Variants in EPB41 observed in about 807,000 individuals in gnomAD.
The protein encoded by EPB41 is erythrocyte membrane protein band 4.1.
In EPB41, 65 loss-of-function variants were observed where a neutral mutation model predicts 108.0. The observed-to-expected ratio is 0.60, with a 90% CI of 0.49 to 0.74. The LOEUF (loss-of-function observed/expected upper bound fraction) is 0.74. EPB41 is among the 30% of genes least tolerant of loss of function. EPB41 has a pLI of 0.00. For synonymous variants in EPB41, 336 were observed against 358.9 expected, an observed-to-expected ratio of 0.94 and a Z score of 0.72; for missense variants, 875 against 1,037.0, an observed-to-expected ratio of 0.84 and a Z score of 2.15.
At position 29,118,175 on chromosome 1, in the gene EPB41, T is replaced by G. The variant is rs1671299290; in HGVS notation, c.*1363T>G. 1 of 152,712 alleles carries G rather than the reference T, an allele frequency of 6.5e-6. No homozygotes were observed. Among genetic ancestry groups the G allele is most frequent in the East Asian group, 1.9e-4 (1 of 5,202 alleles). 9.5% of individuals were successfully genotyped at this position (152,712 alleles called of 1,614,324 possible). A position where few individuals can be genotyped will look rare whatever the true frequency, so the allele number is the denominator to read the frequency against. On this transcript the variant is annotated 3_prime_UTR_variant, in exon 21 of 21. Coordinates refer to ENST00000343067, the MANE Select transcript of EPB41 (RefSeq NM_001376013.1). ...CAAGCTGGAGTGCAGTGGCGCGATC[T>G]CGGCTCACTGCAACCTCCGCCTCCT... is the stretch of plus-strand genomic sequence containing the variant.
chr1:29,027,033 A>G (rs947186739), intron 7 of EPB41, among the ~76,000 whole-genome samples: 1 of 151,176 alleles, frequency 6.6e-6, no homozygotes, highest in Non-Finnish European at 1.5e-5. Flanking sequence ...CAGAGGTTGC[A>G]GTTAGCCGAG....
In EPB41 at chr1:28,929,984, T is replaced by A. The variant is rs143858824; in HGVS notation, c.-8+15216T>A. Among the ~76,000 whole-genome samples the A allele has an allele frequency of 1.2e-4, 18 of 151,656 alleles. No individual in the cohort carries two copies. The East Asian group carries it at 2.3e-3, about 20-fold the overall frequency. ...GCAGCCATCATCTCAATCTAATTTT[T>A]GAACATTTTCATCCCCCTGAAAAGA... On this transcript the variant is annotated intron_variant, in intron 1 of 20. Transcript: ENST00000343067.
chr1:29,100,160 G>A (rs1247255714), intron 17 of EPB41, among the ~76,000 whole-genome samples: 2 of 151,712 alleles, frequency 1.3e-5, no homozygotes, highest in African/African-American at 4.8e-5. Context: ...GAAACAGTGT[G>A]GCTTGGTAAT....
intron 1 of EPB41, among the ~76,000 whole-genome samples, chr1:28,931,911 G>A (rs1388540033): frequency 6.6e-6 from 1 of 152,170 alleles, no homozygotes; most frequent in Non-Finnish European, 1.5e-5. Flanking sequence ...CCTTGGCAGG[G>A]GCCAGTACAA....
At chr1:29,087,014 G>T (rs940457489) in intron 16 of EPB41, among the ~76,000 whole-genome samples, 1 of 120,214 alleles carries the variant, frequency 8.3e-6, no homozygotes, top group South Asian at 2.8e-4. Context: ...GCACAATCTT[G>T]GCTCACTGCA....
upstream of EPB41, chr1:28,911,011 C>A (rs944988065): frequency 3.0e-6 from 3 of 985,368 alleles, no homozygotes; most frequent in Middle Eastern, 5.2e-4. Flanking sequence ...GTGCTTGGGA[C>A]CTTTACCCTT....
intron 12 of EPB41, among the ~76,000 whole-genome samples, chr1:29,056,078 CA>C (rs1265629705): frequency 6.7e-6 from 1 of 150,352 alleles, no homozygotes; most frequent in Admixed American, 6.6e-5. Flanking sequence ...ACTAAAAATA[CA>C]AAAAATTAGC....
At chr1:28,951,606 C>A (rs540182875) in intron 1 of EPB41, among the ~76,000 whole-genome samples, 153 of 152,324 alleles carry the variant, frequency 1.0e-3, no homozygotes, top group African/African-American at 3.5e-3. Context: ...GTAATCCCCC[C>A]ACTTTGGGAG....
chr1:28,998,499 C>G (rs1048599345), intron 4 of EPB41, among the ~76,000 whole-genome samples: 4 of 152,082 alleles, frequency 2.6e-5, no homozygotes, highest in African/African-American at 9.7e-5. Context: ...AGGGCAGCAG[C>G]CTTCAACATC....
intron 16 of EPB41, among the ~76,000 whole-genome samples, chr1:29,078,440 G>A (rs760682844): frequency 2.6e-4 from 40 of 152,126 alleles, no homozygotes; most frequent in Non-Finnish European, 4.3e-4. Context: ...CTATTAAGCA[G>A]TCAGGGTACA....
chr1:28,899,271 T>C (rs961478189), intron 1 of EPB41, among the ~76,000 whole-genome samples: 5 of 152,220 alleles, frequency 3.3e-5, no homozygotes, highest in Admixed American at 6.5e-5. Context: ...GAGTCCTCAG[T>C]GGCAGGAAGC....
chr1:29,080,411 CTT>C (rs62880161), intron 16 of EPB41, among the ~76,000 whole-genome samples: 53 of 139,584 alleles, frequency 3.8e-4, no homozygotes, highest in Non-Finnish European at 3.7e-4. Flanking sequence ...CCCTTTTTTT[CTT>C]TTTTTTTTTT....
chr1:29,054,701 C>A (rs1302011610), intron 12 of EPB41, among the ~76,000 whole-genome samples: 1 of 152,022 alleles, frequency 6.6e-6, no homozygotes, highest in African/African-American at 2.4e-5. Flanking sequence ...AATAAAAAAA[C>A]TAGCTGGGTA....
intron 16 of EPB41, among the ~76,000 whole-genome samples, chr1:29,079,487 G>A (rs1170086854): frequency 2.0e-5 from 3 of 150,172 alleles, no homozygotes; most frequent in Admixed American, 6.7e-5. Flanking sequence ...ACACGATCTC[G>A]GCAACCTCCA....
upstream of EPB41, among the ~76,000 whole-genome samples, chr1:28,912,587 T>C (rs2148014226): frequency 6.6e-6 from 1 of 152,244 alleles, no homozygotes; most frequent in Admixed American, 6.5e-5. Context: ...TCTAAGTCCT[T>C]TACATATTTT....
At chr1:29,076,337 A>T (rs901235926) in intron 16 of EPB41, among the ~76,000 whole-genome samples, 1 of 152,202 alleles carries the variant, frequency 6.6e-6, no homozygotes, top group African/African-American at 2.4e-5. Context: ...TCTCCAAAAA[A>T]TTTTGAAATT....
Position 28,887,261 on chromosome 1 carries a change from G to A in EPB41, c.-8+51G>A. ...ACCCTCGGTCCCCGGGAGGGACGGG[G>A]TTAGGGACAGAAGAACCTACCCCCA... On this transcript the variant is annotated intron_variant, in intron 1 of 16. Transcript: ENST00000347529. The surrounding 1 kb of genome is among the most constrained non-coding windows in gnomAD (Gnocchi z 4.9). The A allele has an allele frequency of 7.9e-7, 1 of 1,269,354 alleles. No homozygotes were observed. Among genetic ancestry groups the A allele is most frequent in the Non-Finnish European group, 1.0e-6 (1 of 980,128 alleles). The allele number at this position is 1,269,354 out of a possible 1,614,324, so 78.6% of individuals were successfully genotyped here.
At chr1:28,888,765 T>C (rs554576462) in intron 1 of EPB41, among the ~76,000 whole-genome samples, 78 of 152,254 alleles carry the variant, frequency 5.1e-4, no homozygotes, top group Non-Finnish European at 5.9e-4. Flanking sequence ...GTAGCTGGGA[T>C]TACAGGCGCC....
At chr1:29,033,479 A>G in intron 9 of EPB41, among the ~76,000 whole-genome samples, 1 of 152,182 alleles carries the variant, frequency 6.6e-6, no homozygotes. Flanking sequence ...AAAAAGTTAA[A>G]CTTGGACTGA....
Sources: gnomAD v4.1 joint callset for allele counts (sites outside exome capture counted in the v4.1 genomes callset) on GRCh38, gnomAD v4.1.1 for gene constraint, Gnocchi (gnomAD v3.1) non-coding constraint, MANE v1.5 for transcripts, NCBI Gene and HGNC (gene_info 2026-07-23, HGNC 2026-07-21) for gene names.